EFNA5: variants seen among roughly 807,000 people sequenced by gnomAD.
The protein encoded by EFNA5 is ephrin A5, also known as ephrin-A5.
A neutral mutation model predicts 22.9 loss-of-function variants in EFNA5; 5 were observed. The observed-to-expected ratio is 0.22, with a 90% CI of 0.11 to 0.46. The LOEUF (loss-of-function observed/expected upper bound fraction) is 0.46, where lower values mean the gene tolerates loss of function less well. EFNA5 is among the 20% of genes least tolerant of loss of function. The probability of loss-of-function intolerance (pLI) is 0.99; values close to 1 mark genes in which losing one functional copy is unlikely to be tolerated. For synonymous variants in EFNA5, 113 were observed against 112.2 expected (o/e 1.01, Z -0.04); for missense variants, 237 against 293.3 (o/e 0.81, Z 1.40).
chr5:107,398,110 T>A (rs1747977320), intron 2 of EFNA5, among the ~76,000 whole-genome samples: 1 of 152,202 alleles, frequency 6.6e-6, no homozygotes, highest in African/African-American at 2.4e-5. Flanking sequence ...CAGGGCTTAC[T>A]GCAGCCTCAA....
intron 1 of EFNA5, among the ~76,000 whole-genome samples, chr5:107,572,646 G>A (rs1264291493): frequency 1.3e-5 from 2 of 152,144 alleles, no homozygotes; most frequent in Non-Finnish European, 2.9e-5. Flanking sequence ...TGCAGCGTAG[G>A]ATCAAAATGC....
At chr5:107,559,515 C>A (rs1375193557) in intron 1 of EFNA5, among the ~76,000 whole-genome samples, 1 of 152,194 alleles carries the variant, frequency 6.6e-6, no homozygotes, top group Non-Finnish European at 1.5e-5. Context: ...CATAATTTTT[C>A]TTCTCCACAA....
At chr5:107,563,356 T>G (rs1440376510) in intron 1 of EFNA5, among the ~76,000 whole-genome samples, 1 of 152,190 alleles carries the variant, frequency 6.6e-6, no homozygotes, top group Non-Finnish European at 1.5e-5. Context: ...TGTTCCCTCC[T>G]GTGGTCAGAT....
intron 2 of EFNA5, among the ~76,000 whole-genome samples, chr5:107,389,473 A>G (rs1400494440): frequency 6.6e-6 from 1 of 152,232 alleles, no homozygotes; most frequent in Non-Finnish European, 1.5e-5. Flanking sequence ...ACTGCTGTTC[A>G]ATGAATTTCT....
chr5:107,523,806 A>G (rs564930857), intron 1 of EFNA5, among the ~76,000 whole-genome samples: 2 of 152,314 alleles, frequency 1.3e-5, no homozygotes, highest in African/African-American at 4.8e-5. Flanking sequence ...GGGTGCTTTT[A>G]TATTTAGCTG....
intron 1 of EFNA5, among the ~76,000 whole-genome samples, chr5:107,513,729 C>T (rs754628011): frequency 3.9e-5 from 6 of 152,100 alleles, no homozygotes; most frequent in Non-Finnish European, 5.9e-5. Flanking sequence ...TGGTGGTATC[C>T]GTCCATTAAA....
chr5:107,534,639 C>A (rs2112454675), intron 1 of EFNA5, among the ~76,000 whole-genome samples: 1 of 152,268 alleles, frequency 6.6e-6, no homozygotes, highest in Admixed American at 6.5e-5. Flanking sequence ...ATATGTTTTG[C>A]AGCTCCAAAG....
chr5:107,461,460 C>T (rs1272230603), intron 1 of EFNA5, among the ~76,000 whole-genome samples: 1 of 151,958 alleles, frequency 6.6e-6, no homozygotes, highest in East Asian at 1.9e-4. Context: ...TAAAGAGAGG[C>T]CCAATGTGTC....
chr5:107,563,314 C>T (rs1748588560), intron 1 of EFNA5, among the ~76,000 whole-genome samples: 1 of 152,192 alleles, frequency 6.6e-6, no homozygotes, highest in African/African-American at 2.4e-5. Context: ...ATCATTAAAA[C>T]CTGGGAGTCA....
intron 1 of EFNA5, among the ~76,000 whole-genome samples, chr5:107,517,193 T>C (rs1023733045): frequency 5.9e-5 from 9 of 152,092 alleles, no homozygotes; most frequent in Non-Finnish European, 8.8e-5. Flanking sequence ...GTCCAGTATT[T>C]ATAAAAGCTT....
At chr5:107,520,484 T>C (rs1747571355) in intron 1 of EFNA5, among the ~76,000 whole-genome samples, 1 of 152,262 alleles carries the variant, frequency 6.6e-6, no homozygotes, top group South Asian at 2.1e-4. Flanking sequence ...TTGGCTATGC[T>C]GTTCTCAAGA....
intron 1 of EFNA5, among the ~76,000 whole-genome samples, chr5:107,648,843 A>T (rs1416811684): frequency 6.6e-6 from 1 of 152,206 alleles, no homozygotes; most frequent in African/African-American, 2.4e-5. Flanking sequence ...TGAAAGTAAA[A>T]AAGAAAACTT....
intron 1 of EFNA5, among the ~76,000 whole-genome samples, chr5:107,532,499 G>A (rs965386901): frequency 9.9e-5 from 15 of 152,232 alleles, no homozygotes; most frequent in Admixed American, 7.9e-4. Flanking sequence ...CGGGTTAAAT[G>A]AGTAGTGGCA....
intron 1 of EFNA5, among the ~76,000 whole-genome samples, chr5:107,505,820 C>A (rs528885157): frequency 6.6e-6 from 1 of 152,096 alleles, no homozygotes; most frequent in African/African-American, 2.4e-5. Flanking sequence ...CCATCTCTCT[C>A]TCTTTTTCTC....
intron 1 of EFNA5, among the ~76,000 whole-genome samples, chr5:107,489,335 G>A (rs1250892866): frequency 2.0e-5 from 3 of 151,964 alleles, no homozygotes; most frequent in African/African-American, 7.3e-5. Context: ...CACCATGTCT[G>A]GCTAATTATT....
At chr5:107,644,155 G>T (rs533094780) in intron 1 of EFNA5, among the ~76,000 whole-genome samples, 44 of 152,152 alleles carry the variant, frequency 2.9e-4, no homozygotes, top group Admixed American at 1.2e-3. Context: ...TAGAAGTGGC[G>T]ATACAAGCTG....
chr5:107,644,844 G>C (rs924968702), intron 1 of EFNA5, among the ~76,000 whole-genome samples: 3 of 152,160 alleles, frequency 2.0e-5, no homozygotes, highest in Non-Finnish European at 4.4e-5. Context: ...TGGGATTACA[G>C]GCATGTGCCA....
At chr5:107,479,936 A>T (rs1750411896) in intron 1 of EFNA5, among the ~76,000 whole-genome samples, 1 of 152,180 alleles carries the variant, frequency 6.6e-6, no homozygotes, top group Non-Finnish European at 1.5e-5. Context: ...AAAAGGAAAG[A>T]AGATTCTGAG....
chr5:107,607,517 G>A (rs1749749124), intron 1 of EFNA5, among the ~76,000 whole-genome samples: 1 of 152,022 alleles, frequency 6.6e-6, no homozygotes, highest in Non-Finnish European at 1.5e-5. Context: ...TTTTTTCACA[G>A]ATTTCAGATT....
Sources: gnomAD v4.1 joint callset for allele counts (sites outside exome capture counted in the v4.1 genomes callset) on GRCh38, gnomAD v4.1.1 for gene constraint, MANE v1.5 for transcripts, NCBI Gene and HGNC (gene_info 2026-07-23, HGNC 2026-07-21) for gene names.